GNPTAB: variants seen among roughly 807,000 people sequenced by gnomAD.
The protein encoded by GNPTAB is N-acetylglucosamine-1-phosphotransferase subunits alpha/beta.
In GNPTAB, 92 loss-of-function variants were observed where a neutral mutation model predicts 136.6. That is an observed-to-expected ratio of 0.67 (90% CI 0.57 to 0.80). The LOEUF (loss-of-function observed/expected upper bound fraction) is 0.80, where lower values mean the gene tolerates loss of function less well. GNPTAB is among the 30% of genes least tolerant of loss of function. GNPTAB has a pLI of 0.00. For missense variants in GNPTAB, 1,343 were observed against 1,501.8 expected, an observed-to-expected ratio of 0.89 and a Z score of 1.75; for synonymous variants, 512 against 535.1, an observed-to-expected ratio of 0.96 and a Z score of 0.60.
chr12:101,820,138 C>T (rs1344684751), intron 1 of GNPTAB, among the ~76,000 whole-genome samples: 17 of 152,242 alleles, frequency 1.1e-4, no homozygotes, highest in African/African-American at 3.6e-4. Context: ...GTCTTACATA[C>T]ATTAGGCACC....
At chr12:101,784,257 G>A (rs1868504166) in intron 5 of GNPTAB, among the ~76,000 whole-genome samples, 1 of 152,186 alleles carries the variant, frequency 6.6e-6, no homozygotes, top group South Asian at 2.1e-4. Flanking sequence ...GAAGGAGAGA[G>A]GACTTGAAGT....
At chr12:101,794,198 C>G (rs1869151290) in intron 2 of GNPTAB, among the ~76,000 whole-genome samples, 2 of 152,194 alleles carry the variant, frequency 1.3e-5, no homozygotes, top group East Asian at 3.8e-4. Context: ...TAATCTAATA[C>G]AATAGCTCTT....
chr12:101,793,717 A>G (rs1205391485), intron 2 of GNPTAB, among the ~76,000 whole-genome samples: 1 of 152,246 alleles, frequency 6.6e-6, no homozygotes, highest in African/African-American at 2.4e-5. Context: ...CATAACTTTC[A>G]TTTTAATCAC....
chr12:101,811,348 A>T (rs1289187135), intron 1 of GNPTAB, among the ~76,000 whole-genome samples: 3 of 151,768 alleles, frequency 2.0e-5, no homozygotes, highest in African/African-American at 7.3e-5. Flanking sequence ...AACTCAAATT[A>T]CAGAAACTGA....
In GNPTAB at chr12:101,765,150, A is replaced by C. The variant is rs1207271847; in HGVS notation, c.1767T>G (p.Ala589=). The C allele has an allele frequency of 1.2e-6, 2 of 1,614,170 alleles. No homozygotes were observed. Among genetic ancestry groups the C allele is most frequent in the South Asian group, 2.2e-5 (2 of 91,078 alleles). Reference sequence around the variant, plus strand: ...TGGTTTTCCACTTGTTGGCAATAGAAGCATGTCGAATTATTGGATTGTCAC... The same window carrying C: ...TGGTTTTCCACTTGTTGGCAATAGACGCATGTCGAATTATTGGATTGTCAC... ...AYSDNPIIRH[A]SIANKWKTIH... is the part of the protein sequence containing the mutation. Residue 589 remains alanine, a synonymous_variant, in exon 13 of 21, where the codon GCT becomes GCG. Coordinates refer to ENST00000299314, the MANE Select transcript of GNPTAB (RefSeq NM_024312.5).
intron 1 of GNPTAB, among the ~76,000 whole-genome samples, chr12:101,817,479 G>C (rs1472698148): frequency 4.0e-5 from 6 of 151,752 alleles, no homozygotes; most frequent in Non-Finnish European, 1.5e-5. Flanking sequence ...ATGTTGCCCA[G>C]GCTGGTCTTG....
At position 101,768,040 on chromosome 12, in the gene GNPTAB, A is replaced by G. The variant is rs1449964385; in HGVS notation, c.1405T>C (p.Ser469Pro). Residue 469 changes from serine (S) to proline (P), a missense_variant, in exon 11 of 21, where the codon TCT becomes CCT. Ser to Pro is a moderately conservative substitution (Grantham distance 74, BLOSUM62 -1). Transcript: ENST00000299314. ...TTACAGTTTAACACATCCTTACCAGAGCAATCCCCACCATCCCAATCGCAG... is the reference window on the plus strand; with the variant it reads ...TTACAGTTTAACACATCCTTACCAGGGCAATCCCCACCATCCCAATCGCAG... Reference protein sequence around the residue: ...SACDWDGGDCSGNSGGSRYIA... With the variant: ...SACDWDGGDCPGNSGGSRYIA... 2 of 1,614,180 alleles carry G rather than the reference A, an allele frequency of 1.2e-6. No individual in the cohort carries two copies. The highest frequency in any genetic ancestry group is 1.7e-6 in the Non-Finnish European group (2 of 1,179,962).
Position 101,770,053 on chromosome 12 carries a change from C to A in GNPTAB, c.1252G>T (p.Asp418Tyr). 6.2e-7 allele frequency: 1 copy of A among 1,614,178 alleles called. No homozygotes were observed. Among genetic ancestry groups the A allele is most frequent in the Non-Finnish European group, 8.5e-7 (1 of 1,180,034 alleles). ...CCTTTGGAGTGACTGTAAAAATCAT[C>A]TGGCCAGACATCCTTCCCAAACATG... ...DVMFGKDVWP[D>Y]DFYSHSKGQK... is the part of the protein sequence containing the mutation. Residue 418 changes from aspartate (D) to tyrosine (Y), a missense_variant, in exon 10 of 21, where the codon GAT (aspartate) becomes TAT (tyrosine). Physicochemically the swap from Asp to Tyr is radical, Grantham distance 160. Coordinates refer to ENST00000299314, the MANE Select transcript of GNPTAB (RefSeq NM_024312.5).
intron 20 of GNPTAB, among the ~76,000 whole-genome samples, chr12:101,747,889 T>C (rs148901103): frequency 1.4e-4 from 21 of 150,608 alleles, no homozygotes; most frequent in Middle Eastern, 3.8e-3. Context: ...CTGGTATAGA[T>C]AGACTGGTAT....
chr12:101,747,341 C>T, intron 20 of GNPTAB, 100 bp from the exon 21 acceptor site: 2 of 721,858 alleles, frequency 2.8e-6, no homozygotes, highest in South Asian at 3.0e-5. Context: ...TAATCATTTC[C>T]ACAATCTTAT....
In GNPTAB at chr12:101,764,907, G is replaced by C; in HGVS notation, c.2010C>G (p.Pro670=). 1 of 1,613,976 alleles carries C rather than the reference G, an allele frequency of 6.2e-7. No homozygotes were observed. The highest frequency in any genetic ancestry group is 8.5e-7 in the Non-Finnish European group (1 of 1,179,948). ...TAAACTTCGGGAAGCGTTTTTCTTT[G>C]GGAATATCCTCAAAAAGGATTTCCG... ...PEAEILFEDI[P]KEKRFPKFKR... is the part of the protein sequence containing the mutation. The change falls in exon 13 of 21, where the codon CCC becomes CCG. Residue 670 remains proline (P), a synonymous_variant. Transcript: ENST00000299314.
intron 20 of GNPTAB, among the ~76,000 whole-genome samples, chr12:101,748,136 A>G (rs1952763994): frequency 6.6e-6 from 1 of 152,232 alleles, no homozygotes. Flanking sequence ...AACAATGGTA[A>G]CAGACATCAA....
chr12:101,810,990 C>CA (rs1445892794), intron 1 of GNPTAB, among the ~76,000 whole-genome samples: 15 of 152,184 alleles, frequency 9.9e-5, no homozygotes, highest in Non-Finnish European at 1.3e-4. Context: ...TCTGAGCCTA[C>CA]ACCTCAGAAG....
intron 1 of GNPTAB, among the ~76,000 whole-genome samples, chr12:101,804,185 A>G (rs1594248991): frequency 6.6e-6 from 1 of 152,174 alleles, no homozygotes; most frequent in Non-Finnish European, 1.5e-5. Context: ...ACTGCACTAC[A>G]GCCTGGGTGA....
chr12:101,780,745 G>C, intron 5 of GNPTAB, 124 bp from the exon 6 acceptor site: 1 of 723,432 alleles, frequency 1.4e-6, no homozygotes, highest in South Asian at 1.6e-5. Flanking sequence ...CCAAAAAAAG[G>C]AAGCTGAAGG....
intron 16 of GNPTAB, among the ~76,000 whole-genome samples, chr12:101,758,978 GTGTGT>G (rs1378766548): frequency 6.6e-6 from 1 of 152,208 alleles, no homozygotes; most frequent in Non-Finnish European, 1.5e-5. Flanking sequence ...TTTGGGGTAT[GTGTGT>G]TGTATATGTA....
At chr12:101,755,699 A>C (rs1407159456) in intron 18 of GNPTAB, among the ~76,000 whole-genome samples, 1 of 152,250 alleles carries the variant, frequency 6.6e-6, no homozygotes, top group Non-Finnish European at 1.5e-5. Context: ...TCTGAAGTCT[A>C]GTTTTCCATG....
rs558683071 is a variant in GNPTAB at position 101,794,941 on chromosome 12, A to C, written c.203+1736T>G. On this transcript the variant is annotated intron_variant, in intron 2 of 20. Coordinates refer to ENST00000299314, the MANE Select transcript of GNPTAB (RefSeq NM_024312.5). ...AATTAATTTTTAAAATCAATTTAAAAATTTTTAAAAACGTTTGAAGCTTCT... is the reference window on the plus strand; with the variant it reads ...AATTAATTTTTAAAATCAATTTAAACATTTTTAAAAACGTTTGAAGCTTCT... 2.6e-5 allele frequency among the ~76,000 whole-genome samples: 4 copies of C among 152,280 alleles called. No individual in the cohort carries two copies. In the East Asian group the frequency reaches 7.7e-4, roughly 29 times the overall value.
intron 1 of GNPTAB, among the ~76,000 whole-genome samples, chr12:101,806,501 T>C (rs1293089206): frequency 2.6e-5 from 4 of 152,140 alleles, no homozygotes; most frequent in African/African-American, 7.2e-5. Context: ...TTGCACAACT[T>C]TGTATATGTA....
Sources: gnomAD v4.1 joint callset for allele counts (sites outside exome capture counted in the v4.1 genomes callset) on GRCh38, gnomAD v4.1.1 for gene constraint, MANE v1.5 for transcripts, NCBI Gene and HGNC (gene_info 2026-07-23, HGNC 2026-07-21) for gene names.